The following ZNF730 variants were observed in gnomAD, a reference collection of about 807,000 sequenced individuals.
The protein encoded by ZNF730 is zinc finger protein 730, also known as putative zinc finger protein 730.
In ZNF730, 12 loss-of-function variants were observed where a neutral mutation model predicts 12.6. That is an observed-to-expected ratio of 0.95 (90% confidence interval 0.61 to 1.54). The LOEUF is 1.54. Among genes scored for constraint, ZNF730 ranks in the 40% most tolerant of loss-of-function variants. The pLI, the probability that ZNF730 is intolerant of heterozygous loss-of-function variation, is 0.00. For synonymous variants in ZNF730, 194 were observed against 195.8 expected (o/e 0.99, Z 0.08); for missense variants, 643 against 583.5 (o/e 1.10, Z -1.05).
intron 1 of ZNF730, among the ~76,000 whole-genome samples, chr19:23,101,790 G>A (rs1400632257): frequency 1.3e-5 from 2 of 152,208 alleles, no homozygotes; most frequent in South Asian, 2.1e-4. Flanking sequence ...GGCTGGTCTC[G>A]AACTCCTGAC....
At chr19:23,128,834 G>A (rs943661715) in intron 1 of ZNF730, among the ~76,000 whole-genome samples, 4 of 152,144 alleles carry the variant, frequency 2.6e-5, no homozygotes, top group Non-Finnish European at 5.9e-5. Flanking sequence ...TCCATCACAG[G>A]CCCAGAGGCC....
At chr19:23,136,881 G>A (rs780705569) in intron 3 of ZNF730, among the ~76,000 whole-genome samples, 11 of 152,014 alleles carry the variant, frequency 7.2e-5, no homozygotes, top group South Asian at 2.1e-4. Context: ...AGATAACAAG[G>A]CATTTTAGCC....
chr19:23,146,239 G>C lies in ZNF730; in HGVS notation c.1195G>C (p.Glu399Gln). Residue 399 changes from glutamate to glutamine, a missense_variant, in exon 4 of 4, where the codon GAA (glutamate) becomes CAA (glutamine). Transcript: ENST00000597761. ...IHTVEKFYKC[E>Q]ECGKAFSRIS... ...TACTGTAGAGAAATTTTACAAATGT[G>C]AAGAATGTGGCAAAGCCTTTAGCCG... 6.2e-7 allele frequency: 1 copy of C among 1,612,920 alleles called. No individual in the cohort carries two copies. The highest frequency in any genetic ancestry group is 8.5e-7 in the Non-Finnish European group (1 of 1,179,468).
chr19:23,085,686 T>G (rs1970049057), intron 1 of ZNF730, among the ~76,000 whole-genome samples: 3 of 150,398 alleles, frequency 2.0e-5, no homozygotes, highest in African/African-American at 7.3e-5. Flanking sequence ...AATTATTTTT[T>G]TGTATTTTTA....
At chr19:23,134,042 G>A (rs746008681) in intron 1 of ZNF730, 38 bp from the exon 2 acceptor site, 3 of 1,609,190 alleles carry the variant, frequency 1.9e-6, no homozygotes, top group Non-Finnish European at 2.5e-6. Context: ...CTGCCCAGGG[G>A]CACTTGGTAA....
upstream of ZNF730, among the ~76,000 whole-genome samples, chr19:23,115,794 G>A (rs779607684): frequency 6.6e-6 from 1 of 152,228 alleles, no homozygotes; most frequent in Non-Finnish European, 1.5e-5. Flanking sequence ...AATGGCCCCA[G>A]TGAGCCCAGC....
intron 1 of ZNF730, among the ~76,000 whole-genome samples, chr19:23,084,906 T>C (rs1568299909): frequency 6.6e-6 from 1 of 152,232 alleles, no homozygotes; most frequent in Non-Finnish European, 1.5e-5. Context: ...CTATGGTGAA[T>C]AGTGCTGCAG....
chr19:23,092,570 G>A (rs1970176277), intron 1 of ZNF730, among the ~76,000 whole-genome samples: 1 of 152,098 alleles, frequency 6.6e-6, no homozygotes, highest in African/African-American at 2.4e-5. Context: ...GCCTGGGCAA[G>A]AGCAAAACTC....
intron 1 of ZNF730, among the ~76,000 whole-genome samples, chr19:23,086,930 A>G (rs1172827877): frequency 6.6e-6 from 1 of 152,150 alleles, no homozygotes; most frequent in African/African-American, 2.4e-5. Context: ...ATAAGCATGG[A>G]AAGTTTTTCC....
chr19:23,122,728 T>C (rs1970615214), intron 1 of ZNF730, among the ~76,000 whole-genome samples: 4 of 152,334 alleles, frequency 2.6e-5, no homozygotes, highest in Admixed American at 6.5e-5. Flanking sequence ...CAACTTGCAT[T>C]CACACAAATT....
Position 23,092,774 on chromosome 19 carries a change from A to C in ZNF730, c.-94+17387A>C, listed in dbSNP as rs559023916. ...GTTCAACCAACCTTGCATTTCAGAG[A>C]TGAAGCCTACCTGATTCTGGTGGAT... On this transcript the variant is annotated intron_variant, in intron 1 of 2. Transcript: ENST00000593635. Among the ~76,000 whole-genome samples, 9 of 152,184 alleles carry C rather than the reference A, an allele frequency of 5.9e-5. No individual in the cohort carries two copies. The South Asian group carries it at 1.9e-3, about 32-fold the overall frequency.
At chr19:23,122,592 G>T (rs759936374) in intron 1 of ZNF730, among the ~76,000 whole-genome samples, 1 of 152,176 alleles carries the variant, frequency 6.6e-6, no homozygotes, top group South Asian at 2.1e-4. Flanking sequence ...ATATTTGCAG[G>T]CTAAAGTACT....
At chr19:23,086,193 A>T (rs1970062031) in intron 1 of ZNF730, among the ~76,000 whole-genome samples, 1 of 152,104 alleles carries the variant, frequency 6.6e-6, no homozygotes, top group Admixed American at 6.5e-5. Flanking sequence ...TGTTTCTTCT[A>T]GCTGCTGGAT....
At chr19:23,131,454 T>C (rs1970741611) in intron 1 of ZNF730, among the ~76,000 whole-genome samples, 1 of 152,256 alleles carries the variant, frequency 6.6e-6, no homozygotes, top group African/African-American at 2.4e-5. Flanking sequence ...TGTTGTTTTC[T>C]AAATGCAGAC....
rs1240243096 is a variant in ZNF730, at chr19:23,145,587, A to AT, written c.547dup (p.Cys183LeufsTer10). 2.6e-6 allele frequency: 4 copies of AT among 1,543,518 alleles called. No individual in the cohort carries two copies. Among genetic ancestry groups the AT allele is most frequent in the Non-Finnish European group, 3.5e-6 (4 of 1,145,582 alleles). ...TCAAATGTAAAGAATGTGGAAAATTATTTTGCATTCTTTCACACTTAGCTC... is the reference window on the plus strand; with the variant it reads ...TCAAATGTAAAGAATGTGGAAAATTATTTTTGCATTCTTTCACACTTAGCTC... On this transcript the variant is annotated frameshift_variant, in exon 4 of 4. Transcript: ENST00000597761. LOFTEE classifies it low-confidence loss of function (END_TRUNC).
At chr19:23,079,446 C>T (rs948145076) in intron 1 of ZNF730, among the ~76,000 whole-genome samples, 2 of 152,272 alleles carry the variant, frequency 1.3e-5, no homozygotes, top group South Asian at 2.1e-4. Flanking sequence ...CCATAGCCAC[C>T]GCGCCCGGCC....
At chr19:23,090,852 C>T (rs1970146511) in intron 1 of ZNF730, among the ~76,000 whole-genome samples, 1 of 151,970 alleles carries the variant, frequency 6.6e-6, no homozygotes. Context: ...CAAAAACTAG[C>T]CAGGCATGGT....
In ZNF730 at chr19:23,089,476, C is replaced by T. The variant is rs189662820; in HGVS notation, c.-94+14089C>T. Among the ~76,000 whole-genome samples, 9 of 152,042 alleles carry T rather than the reference C, an allele frequency of 5.9e-5. No homozygotes were observed. In the East Asian group the frequency reaches 9.7e-4, roughly 16 times the overall value. The stretch of plus-strand genomic sequence containing the variant: ...AATTCCCATGTGTTATGGGAGGGAC[C>T]GGGGGGAGATTATTGAATCGTGGGG... On this transcript the variant is annotated intron_variant, in intron 1 of 2. Coordinates refer to the ZNF730 transcript ENST00000593635.
At chr19:23,127,097 CCTT>C (rs1970680779) in intron 1 of ZNF730, 1 of 511,746 alleles carries the variant, frequency 2.0e-6, no homozygotes, top group Non-Finnish European at 3.9e-6. Flanking sequence ...GGGATCTTGT[CCTT>C]CTATGAGTTA....
Sources: allele counts gnomAD v4.1 joint callset (sites outside exome capture counted in the v4.1 genomes callset), GRCh38; gene constraint gnomAD v4.1.1; transcripts MANE v1.5; gene names NCBI Gene and HGNC (gene_info 2026-07-23, HGNC 2026-07-21).